The following SLC25A24 variants were observed in gnomAD, a reference collection of about 807,000 sequenced individuals.
SLC25A24 encodes the protein solute carrier family 25 member 24, also known as mitochondrial adenyl nucleotide antiporter SLC25A24.
Under a neutral mutation model 60.7 loss-of-function variants are expected in SLC25A24, and 49 were observed. The observed-to-expected ratio is 0.81, with a 90% CI of 0.64 to 1.02. The LOEUF is 1.02. SLC25A24 is among the 50% of genes least tolerant of loss of function. The pLI, the probability that SLC25A24 is intolerant of heterozygous loss-of-function variation, is 0.00. For missense variants in SLC25A24, 564 were observed against 586.3 expected, an observed-to-expected ratio of 0.96 and a Z score of 0.39; for synonymous variants, 202 against 200.6, an observed-to-expected ratio of 1.01 and a Z score of -0.06.
chr1:108,190,079 C>A (rs1318036979), intron 1 of SLC25A24, among the ~76,000 whole-genome samples: 1 of 152,018 alleles, frequency 6.6e-6, no homozygotes, highest in Non-Finnish European at 1.5e-5. Flanking sequence ...AAAGTAAAAT[C>A]TACTTGGCCC....
At chr1:108,192,955 G>A (rs1261318402) in intron 1 of SLC25A24, 5 of 233,670 alleles carry the variant, frequency 2.1e-5, no homozygotes, top group Non-Finnish European at 3.0e-5. Context: ...GAGTCCAGTC[G>A]GGGCAACTCA....
intron 4 of SLC25A24, among the ~76,000 whole-genome samples, chr1:108,159,146 T>C (rs542155058): frequency 6.6e-6 from 1 of 152,288 alleles, no homozygotes; most frequent in African/African-American, 2.4e-5. Context: ...CAATCAAAAT[T>C]TGAAAGTTTG....
intron 7 of SLC25A24, among the ~76,000 whole-genome samples, chr1:108,145,026 A>C (rs1159904135): frequency 2.6e-5 from 4 of 152,288 alleles, no homozygotes; most frequent in Non-Finnish European, 4.4e-5. Flanking sequence ...ACAATGCTTG[A>C]ACTAATTTAC....
At chr1:108,172,980 AAATC>A (rs1211144306) in intron 3 of SLC25A24, among the ~76,000 whole-genome samples, 2 of 152,236 alleles carry the variant, frequency 1.3e-5, no homozygotes, top group Non-Finnish European at 2.9e-5. Context: ...AAAGAAATAT[AAATC>A]AAAGCCATGA....
chr1:108,166,967 T>G (rs1450102307), intron 3 of SLC25A24, among the ~76,000 whole-genome samples: 2 of 151,192 alleles, frequency 1.3e-5, no homozygotes, highest in South Asian at 2.1e-4. Context: ...AGATGGGTTT[T>G]TGGTGTGGAT....
intron 6 of SLC25A24, among the ~76,000 whole-genome samples, chr1:108,153,773 T>C (rs1165972880): frequency 6.6e-6 from 1 of 152,220 alleles, no homozygotes; most frequent in Admixed American, 6.5e-5. Flanking sequence ...GTTGGTGGTA[T>C]CCAAGGTAAG....
At chr1:108,177,210 G>C (rs1362375332) in intron 3 of SLC25A24, among the ~76,000 whole-genome samples, 2 of 152,002 alleles carry the variant, frequency 1.3e-5, no homozygotes, top group African/African-American at 4.8e-5. Flanking sequence ...TAACTCTTAA[G>C]ATGTTTTTTG....
At position 108,192,240 on chromosome 1, in the gene SLC25A24, G is replaced by A. The variant is rs1648366565; in HGVS notation, c.184-6286C>T. On this transcript the variant is annotated intron_variant, in intron 1 of 9. Transcript: ENST00000565488. Reference sequence around the variant, plus strand: ...ACAAGGTGACTCCTAAGACAAGGCTGTATGTAGCCAACATCTTGAGAGCAA... The same window carrying A: ...ACAAGGTGACTCCTAAGACAAGGCTATATGTAGCCAACATCTTGAGAGCAA... 1.4e-5 allele frequency among the ~76,000 whole-genome samples: 2 copies of A among 139,488 alleles called. 1 individual carries two copies. Among genetic ancestry groups the A allele is most frequent in the Non-Finnish European group, 3.1e-5 (2 of 63,702 alleles). The allele number at this position is 139,488 out of a possible 152,430, so 91.5% of individuals were successfully genotyped here.
chr1:108,197,473 T>C (rs1345912293), intron 1 of SLC25A24, among the ~76,000 whole-genome samples: 1 of 152,206 alleles, frequency 6.6e-6, no homozygotes, highest in Non-Finnish European at 1.5e-5. Context: ...CTCATTTCTA[T>C]GCTCAAGTAG....
chr1:108,167,081 G>T (rs961952605), intron 3 of SLC25A24, among the ~76,000 whole-genome samples: 2 of 142,614 alleles, frequency 1.4e-5, no homozygotes, highest in Admixed American at 1.4e-4. Context: ...CTGCTGGGGG[G>T]TGCCTCCCAG....
rs1354980660 is a variant in SLC25A24, at chr1:108,139,191, C to A, written c.1116G>T (p.Trp372Cys). 1 of 1,599,836 alleles carries A rather than the reference C, an allele frequency of 6.3e-7. No individual in the cohort carries two copies. Among genetic ancestry groups the A allele is most frequent in the Non-Finnish European group, 8.5e-7 (1 of 1,174,410 alleles). The change falls in exon 9 of 10, where the codon TGG becomes TGT. Residue 372 changes from tryptophan (W) to cysteine (C), a missense_variant. Coordinates refer to ENST00000565488, the MANE Select transcript of SLC25A24 (RefSeq NM_013386.5). Reference protein sequence around the residue: ...LAVYELLKSYWLDNFAKDSVN... With the variant: ...LAVYELLKSYCLDNFAKDSVN... ...CAGAATCTTTTGCAAAATTATCCAG[C>A]CAATAGGACTTCAAGAGCTGCCAGA... is the stretch of plus-strand genomic sequence containing the variant.
chr1:108,182,604 G>A (rs1002696408), intron 2 of SLC25A24, among the ~76,000 whole-genome samples: 26 of 152,198 alleles, frequency 1.7e-4, no homozygotes, highest in Non-Finnish European at 2.6e-4. Context: ...AGGCTGAGGC[G>A]GGTGGTTCAC....
In SLC25A24 at chr1:108,161,266, C is replaced by T; in HGVS notation, c.426G>A (p.Val142=). The T allele has an allele frequency of 3.8e-6, 6 of 1,597,184 alleles. No individual in the cohort carries two copies. The highest frequency in any genetic ancestry group is 5.1e-6 in the Non-Finnish European group (6 of 1,165,984). Residue 142 remains valine, a synonymous_variant, in exon 4 of 10, where the codon GTG becomes GTA. Transcript: ENST00000565488. The part of the protein sequence containing the change: ...QSIDVDGTMT[V]DWNEWRDYFL... ...AGTAGTCTCTCCATTCATTCCAGTC[C>T]ACTGTCATTGTCCCATCAACATCAA...
At chr1:108,198,368 G>A (rs543979650) in intron 1 of SLC25A24, 5 of 152,248 alleles carry the variant, frequency 3.3e-5, no homozygotes, top group East Asian at 3.9e-4. Flanking sequence ...TAAGGTTTCC[G>A]AAAGGCAATA....
intron 1 of SLC25A24, chr1:108,199,529 G>T (rs563297471): frequency 7.6e-6 from 2 of 261,914 alleles, no homozygotes; most frequent in Non-Finnish European, 1.4e-5. Flanking sequence ...CATAGCTGCT[G>T]TAACAAAGCA....
chr1:108,156,840 CATTT>C (rs1679914843), intron 5 of SLC25A24, among the ~76,000 whole-genome samples: 1 of 152,214 alleles, frequency 6.6e-6, no homozygotes, highest in African/African-American at 2.4e-5. Context: ...TTCCCCCTCT[CATTT>C]GTTGTAAAGG....
At chr1:108,180,837 C>G (rs1219661875) in intron 3 of SLC25A24, among the ~76,000 whole-genome samples, 4 of 152,172 alleles carry the variant, frequency 2.6e-5, no homozygotes, top group South Asian at 2.1e-4. Flanking sequence ...GTCATGGCAG[C>G]TAAGCTAATA....
chr1:108,192,539 C>A lies in SLC25A24; in HGVS notation c.184-6585G>T, dbSNP rs768357651. ...TTGAATGGCCCCTACATCCTCCAGG[C>A]CTTCCTGAAGCTCAAAAATGTCCAA... On this transcript the variant is annotated intron_variant, in intron 1 of 9. Transcript: ENST00000565488. 7 of 1,499,330 alleles carry A rather than the reference C, an allele frequency of 4.7e-6. 1 individual carries two copies. The highest frequency in any genetic ancestry group is 4.1e-5 in the African/African-American group (3 of 73,318). 92.9% of individuals were successfully genotyped at this position (1,499,330 alleles called of 1,614,324 possible).
At chr1:108,151,032 C>T (rs935083122) in intron 6 of SLC25A24, among the ~76,000 whole-genome samples, 2 of 152,034 alleles carry the variant, frequency 1.3e-5, no homozygotes, top group Non-Finnish European at 2.9e-5. Flanking sequence ...GAAACCTCAC[C>T]TCTACTAAAA....
Sources: gnomAD v4.1 joint callset for allele counts (sites outside exome capture counted in the v4.1 genomes callset) on GRCh38, gnomAD v4.1.1 for gene constraint, MANE v1.5 for transcripts, NCBI Gene and HGNC (gene_info 2026-07-23, HGNC 2026-07-21) for gene names.